FAM47E: variants seen among roughly 807,000 people sequenced by gnomAD.
FAM47E encodes family with sequence similarity 47 member E, also known as protein FAM47E.
In FAM47E, 32 loss-of-function variants were observed where a neutral mutation model predicts 41.6. That is an observed-to-expected ratio of 0.77 (90% CI 0.58 to 1.03). The LOEUF (loss-of-function observed/expected upper bound fraction) is 1.03, where lower values mean the gene tolerates loss of function less well. FAM47E is among the 50% of genes least tolerant of loss of function. FAM47E has a pLI of 0.00. For synonymous variants in FAM47E, 184 were observed against 188.7 expected (o/e 0.98, Z 0.20); for missense variants, 424 against 485.4 (o/e 0.87, Z 1.19).
intron 2 of FAM47E, among the ~76,000 whole-genome samples, chr4:76,220,728 T>G (rs540672253): frequency 1.3e-5 from 2 of 152,230 alleles, no homozygotes; most frequent in African/African-American, 4.8e-5. Context: ...TCTTAGAATA[T>G]GATCTTTTTA....
At chr4:76,215,376 C>A (rs1329541567) in intron 1 of FAM47E, among the ~76,000 whole-genome samples, 1 of 152,174 alleles carries the variant, frequency 6.6e-6, no homozygotes, top group African/African-American at 2.4e-5. Flanking sequence ...CTTCCAAAAC[C>A]CTCACTTTTT....
chr4:76,256,044 C>A (rs371604515), intron 1 of FAM47E, 134 bp from the exon 2 acceptor site: 1 of 990,248 alleles, frequency 1.0e-6, no homozygotes, highest in African/African-American at 1.6e-5. Context: ...CCAGTGAATC[C>A]CACTTCCCCT....
At chr4:76,224,066 T>A (rs562942249) in intron 2 of FAM47E, among the ~76,000 whole-genome samples, 1 of 152,292 alleles carries the variant, frequency 6.6e-6, no homozygotes, top group Non-Finnish European at 1.5e-5. Context: ...TATTATTGAA[T>A]AGGTATTAAA....
At chr4:76,281,489 A>G (rs969357713) in intron 7 of FAM47E, 1 of 151,270 alleles carries the variant, frequency 6.6e-6, no homozygotes, top group African/African-American at 2.4e-5. Context: ...AATATATAAA[A>G]TATAAAATAT....
chr4:76,271,465 C>A, intron 4 of FAM47E, 103 bp from the exon 5 acceptor site: 2 of 1,368,392 alleles, frequency 1.5e-6, no homozygotes, highest in South Asian at 2.8e-5. Context: ...TTCTACCTCT[C>A]CCCAAACTAC....
chr4:76,216,405 T>C (rs1259097134), intron 1 of FAM47E, among the ~76,000 whole-genome samples: 1 of 152,202 alleles, frequency 6.6e-6, no homozygotes, highest in Non-Finnish European at 1.5e-5. Context: ...ACTCTCTGAC[T>C]GCTACAATCA....
chr4:76,281,516 T>A (rs1735344416), intron 7 of FAM47E: 1 of 151,764 alleles, frequency 6.6e-6, no homozygotes, highest in African/African-American at 2.4e-5. Flanking sequence ...ATAGCTTTAA[T>A]ATTACATAAT....
chr4:76,275,278 A>G (rs1735049022), intron 5 of FAM47E, among the ~76,000 whole-genome samples: 1 of 152,052 alleles, frequency 6.6e-6, no homozygotes, highest in Admixed American at 6.6e-5. Flanking sequence ...CCTCCTCTCC[A>G]TGTCCATAGG....
At chr4:76,255,887 C>T (rs530694863) in intron 1 of FAM47E, among the ~76,000 whole-genome samples, 22 of 152,196 alleles carry the variant, frequency 1.4e-4, no homozygotes, top group African/African-American at 5.3e-4. Context: ...GGATATATTC[C>T]AAATCCACTA....
At chr4:76,264,579 T>C (rs1227063496) in intron 3 of FAM47E, among the ~76,000 whole-genome samples, 3 of 152,050 alleles carry the variant, frequency 2.0e-5, no homozygotes, top group African/African-American at 7.2e-5. Flanking sequence ...CAAATAGATT[T>C]GGGATACACA....
At chr4:76,241,982 G>A (rs979438061) in intron 2 of FAM47E, among the ~76,000 whole-genome samples, 2 of 152,108 alleles carry the variant, frequency 1.3e-5, no homozygotes, top group Non-Finnish European at 2.9e-5. Context: ...AAGGAGAAAG[G>A]GGGAACATCT....
At chr4:76,226,056 T>C (rs1733392447) in intron 2 of FAM47E, among the ~76,000 whole-genome samples, 1 of 152,152 alleles carries the variant, frequency 6.6e-6, no homozygotes, top group Non-Finnish European at 1.5e-5. Context: ...TATTACTGTT[T>C]GTTGGGGTGA....
At chr4:76,261,120 C>T (rs13137733) in intron 2 of FAM47E, among the ~76,000 whole-genome samples, 19,663 of 151,782 alleles carry the variant, frequency 0.13, 1,576 homozygotes, top group East Asian at 0.32. Context: ...CAATGAGATA[C>T]GAGATACCAT....
intron 5 of FAM47E, among the ~76,000 whole-genome samples, chr4:76,276,368 G>GTTTTTTTGTTTTTTTGTTTTT (rs1553957220): frequency 6.7e-6 from 1 of 149,938 alleles, no homozygotes; most frequent in Non-Finnish European, 1.5e-5. Flanking sequence ...TTTTTTGTTT[G>GTTTTTTTGTTTTTTTGTTTTT]TTTGTTTTTT....
rs367880869 is a variant in FAM47E, at chr4:76,268,676, G to A, written c.577G>A (p.Val193Met). The A allele has an allele frequency of 1.8e-5, 28 of 1,551,028 alleles. No individual in the cohort carries two copies. The highest frequency in any genetic ancestry group is 3.3e-4 in the Middle Eastern group (2 of 5,990). ...TATCTTTAGTTCCAAGAAGACGTCT[G>A]TGTCAAACGCAGGCCAATGGCTTTA... ...VYLGPSKKTS[V>M]SNAGQWLYEE... is the part of the protein sequence containing the mutation. Residue 193 changes from valine to methionine, a missense_variant, in exon 4 of 8, where the codon GTG (valine) becomes ATG (methionine). Transcript: ENST00000424749.
At chr4:76,279,446 T>C (rs1244910599) in intron 6 of FAM47E, 3 of 152,238 alleles carry the variant, frequency 2.0e-5, no homozygotes, top group African/African-American at 7.2e-5. Context: ...GCTATAAAGA[T>C]GTTTGCCAAA....
At chr4:76,268,343 A>C (rs944773674) in intron 3 of FAM47E, 1 of 217,902 alleles carries the variant, frequency 4.6e-6, no homozygotes, top group African/African-American at 2.3e-5. Context: ...AGGCTTTGGT[A>C]GACTTCAAGC....
chr4:76,221,454 G>A (rs139565645), intron 2 of FAM47E, among the ~76,000 whole-genome samples: 4,896 of 152,164 alleles, frequency 0.032, 263 homozygotes, highest in African/African-American at 0.11. Context: ...GAGTAGCTGG[G>A]ATTACAGGCA....
At chr4:76,218,065 T>C (rs1401345358) in intron 2 of FAM47E, among the ~76,000 whole-genome samples, 4 of 152,252 alleles carry the variant, frequency 2.6e-5, no homozygotes, top group Non-Finnish European at 5.9e-5. Flanking sequence ...AGGTGGCTCA[T>C]GCCTGTAATC....
Sources: gnomAD v4.1 joint callset for allele counts (sites outside exome capture counted in the v4.1 genomes callset) on GRCh38, gnomAD v4.1.1 for gene constraint, MANE v1.5 for transcripts, NCBI Gene and HGNC (gene_info 2026-07-23, HGNC 2026-07-21) for gene names.